CLCN3: variants seen among roughly 807,000 people sequenced by gnomAD.
CLCN3 encodes Cl-/H+ antiporter 3, also known as H(+)/Cl(-) exchange transporter 3.
In CLCN3, 16 loss-of-function variants were observed where a neutral mutation model predicts 83.4. That is an observed-to-expected ratio of 0.19 (90% confidence interval 0.13 to 0.29). CLCN3 has a LOEUF of 0.29. Ranked by LOEUF, CLCN3 falls within the 10% of genes least tolerant of loss-of-function variation. CLCN3 has a pLI of 1.00. For synonymous variants in CLCN3, 322 were observed against 346.2 expected (o/e 0.93, Z 0.78); for missense variants, 544 against 1,006.0 (o/e 0.54, Z 6.21).
chr4:169,664,780 AT>A (rs751906081), intron 2 of CLCN3, among the ~76,000 whole-genome samples: 1 of 152,216 alleles, frequency 6.6e-6, no homozygotes, highest in Non-Finnish European at 1.5e-5. Flanking sequence ...GGTTAATTTT[AT>A]GCCATCTCAT....
Position 169,650,498 on chromosome 4 carries a change from T to C in CLCN3, c.160+14410T>C, listed in dbSNP as rs151151648. ...ATGAGTAAGACATTTGACTCTAAAG[T>C]CAAATTTGACAACATATATTCTTAA... On this transcript the variant is annotated intron_variant, in intron 2 of 12. Coordinates refer to ENST00000513761, the MANE Select transcript of CLCN3 (RefSeq NM_001829.4). 5.0e-3 allele frequency among the ~76,000 whole-genome samples: 755 copies of C among 152,336 alleles called. 4 individuals are homozygous for C. Among genetic ancestry groups the C allele is most frequent in the Non-Finnish European group, 9.0e-3 (610 of 68,018 alleles).
intron 2 of CLCN3, among the ~76,000 whole-genome samples, chr4:169,652,080 G>A (rs745431990): frequency 7.9e-5 from 12 of 152,120 alleles, no homozygotes; most frequent in South Asian, 2.1e-4. Flanking sequence ...TGCATAAAAC[G>A]TAATTGTGTA....
At chr4:169,680,389 C>T in intron 3 of CLCN3, 182 bp downstream of exon 3, 1 of 487,296 alleles carries the variant, frequency 2.1e-6, no homozygotes, top group Non-Finnish European at 3.6e-6. Context: ...TTTACTTATA[C>T]CCTGTAACTT....
chr4:169,709,410 G>A (rs192571465), intron 11 of CLCN3, among the ~76,000 whole-genome samples: 13 of 151,940 alleles, frequency 8.6e-5, no homozygotes, highest in African/African-American at 2.9e-4. Context: ...GAGGCTGGGC[G>A]TGGTGGCTCA....
At chr4:169,623,221 C>T (rs1773150568) in intron 1 of CLCN3, among the ~76,000 whole-genome samples, 1 of 152,084 alleles carries the variant, frequency 6.6e-6, no homozygotes, top group African/African-American at 2.4e-5. Context: ...TTCTGTCTTC[C>T]ACAGCAACTT....
At chr4:169,645,175 G>T (rs1730538632) in intron 2 of CLCN3, among the ~76,000 whole-genome samples, 1 of 152,064 alleles carries the variant, frequency 6.6e-6, no homozygotes, top group Non-Finnish European at 1.5e-5. Flanking sequence ...AAGATTTTTG[G>T]GGTCTCTCGA....
intron 10 of CLCN3, among the ~76,000 whole-genome samples, chr4:169,705,108 T>A (rs1732940293): frequency 6.6e-6 from 1 of 152,102 alleles, no homozygotes; most frequent in Admixed American, 6.5e-5. Flanking sequence ...AGAGTCTAAG[T>A]ATGGTAGGAA....
intron 2 of CLCN3, among the ~76,000 whole-genome samples, chr4:169,638,490 T>G (rs1730305038): frequency 1.3e-5 from 2 of 151,678 alleles, no homozygotes; most frequent in African/African-American, 4.8e-5. Flanking sequence ...TATCACAGAT[T>G]TTTTTTCTAA....
rs1732397522 is a variant in CLCN3, at chr4:169,692,143, C to T, written c.759C>T (p.Ile253=). Reference sequence around the variant, plus strand: ...AAACTATTTTAAGTGGATTCATCATCAGAGGTTACTTGGGAAAATGGACTT... The same window carrying T: ...AAACTATTTTAAGTGGATTCATCATTAGAGGTTACTTGGGAAAATGGACTT... ...EIKTILSGFI[I]RGYLGKWTLM... The change falls in exon 7 of 13, where the codon ATC becomes ATT. Residue 253 remains isoleucine, a synonymous_variant. Transcript: ENST00000513761. 6.2e-7 allele frequency: 1 copy of T among 1,607,006 alleles called. No individual in the cohort carries two copies. Among genetic ancestry groups the T allele is most frequent in the Non-Finnish European group, 8.5e-7 (1 of 1,173,962 alleles).
intron 2 of CLCN3, among the ~76,000 whole-genome samples, chr4:169,646,262 C>T (rs1207477856): frequency 6.6e-6 from 1 of 151,946 alleles, no homozygotes; most frequent in East Asian, 1.9e-4. Flanking sequence ...TATTTTATAC[C>T]TTTTAGGAGT....
Position 169,704,074 on chromosome 4 carries a change from A to G in CLCN3, c.1640A>G (p.Gln547Arg). The change falls in exon 10 of 13, where the codon CAG (glutamine) becomes CGG (arginine). Residue 547 changes from glutamine to arginine, a missense_variant. Gln to Arg is a conservative substitution (Grantham distance 43). This residue lies in a region of CLCN3 where 194 missense variants were observed against 341.4 expected (regional missense o/e 0.57). Transcript: ENST00000513761. Reference sequence around the variant, plus strand: ...AGGATTGTGGGGATTGCGGTGGAGCAGCTTGCCTACTATCACCACGACTGG... The same window carrying G: ...AGGATTGTGGGGATTGCGGTGGAGCGGCTTGCCTACTATCACCACGACTGG... Reference protein sequence around the residue: ...AGRIVGIAVEQLAYYHHDWFI... With the variant: ...AGRIVGIAVERLAYYHHDWFI... 1 of 1,614,096 alleles carries G rather than the reference A, an allele frequency of 6.2e-7. No individual in the cohort carries two copies. The highest frequency in any genetic ancestry group is 8.5e-7 in the Non-Finnish European group (1 of 1,180,000).
chr4:169,687,440 A>G (rs529893907), intron 3 of CLCN3, among the ~76,000 whole-genome samples: 5 of 152,284 alleles, frequency 3.3e-5, no homozygotes, highest in Admixed American at 6.5e-5. Flanking sequence ...ATTTTTTAAT[A>G]AAAAATAAAA....
chr4:169,722,024 G>C lies in CLCN3; in HGVS notation c.*2027G>C, dbSNP rs1319808081. ...AGTAGAGATGGGGTTTTGCCATGCT[G>C]CCCAGGCTGGTCTCAACTCCTCAGC... On this transcript the variant is annotated 3_prime_UTR_variant, in exon 13 of 13. Coordinates refer to ENST00000513761, the MANE Select transcript of CLCN3 (RefSeq NM_001829.4). 6.6e-6 allele frequency: 1 copy of C among 152,120 alleles called. No individual in the cohort carries two copies. Among genetic ancestry groups the C allele is most frequent in the African/African-American group, 2.4e-5 (1 of 41,384 alleles). The allele number at this position is 152,120 out of a possible 1,614,324, so 9.4% of individuals were successfully genotyped here. A position where few individuals can be genotyped will look rare whatever the true frequency, so the allele number is the denominator to read the frequency against.
At chr4:169,697,773 C>G in intron 9 of CLCN3, 39 bp downstream of exon 9, 1 of 1,425,650 alleles carries the variant, frequency 7.0e-7, no homozygotes, top group Non-Finnish European at 9.6e-7. Flanking sequence ...GTAATTTTGG[C>G]ATGTTCAAAA....
At chr4:169,684,650 C>G (rs1187587344) in intron 3 of CLCN3, among the ~76,000 whole-genome samples, 1 of 152,154 alleles carries the variant, frequency 6.6e-6, no homozygotes, top group African/African-American at 2.4e-5. Flanking sequence ...AATATAGGTA[C>G]AATCTAGGCA....
chr4:169,691,286 G>A lies in CLCN3; in HGVS notation c.729+634G>A, dbSNP rs530230688. On this transcript the variant is annotated intron_variant, in intron 6 of 12. Transcript: ENST00000513761. ...CCCGCCTCAGCCTCCCAAAGTGCTG[G>A]GATTACAGGTGTGAGCCACCACACG... Among the ~76,000 whole-genome samples, 36 of 152,038 alleles carry A rather than the reference G, an allele frequency of 2.4e-4. No homozygotes were observed. In the South Asian group the frequency reaches 7.5e-3, roughly 32 times the overall value.
chr4:169,690,448 T>C, intron 5 of CLCN3, 82 bp from the exon 6 acceptor site: 4 of 1,432,640 alleles, frequency 2.8e-6, no homozygotes, highest in Admixed American at 2.0e-5. Flanking sequence ...CCTGGCCGTT[T>C]ACTGAAGTTT....
At chr4:169,704,503 T>C (rs1732915923) in intron 10 of CLCN3, among the ~76,000 whole-genome samples, 1 of 152,214 alleles carries the variant, frequency 6.6e-6, no homozygotes, top group Admixed American at 6.5e-5. Flanking sequence ...TTTGATTCTT[T>C]CATCGTTAAG....
intron 3 of CLCN3, among the ~76,000 whole-genome samples, chr4:169,683,290 A>C (rs1732018543): frequency 6.6e-6 from 1 of 152,126 alleles, no homozygotes; most frequent in African/African-American, 2.4e-5. Context: ...GGATCCCAGG[A>C]GTTTGAGACC....
Sources: allele counts gnomAD v4.1 joint callset (sites outside exome capture counted in the v4.1 genomes callset), GRCh38; gene constraint gnomAD v4.1.1; regional missense constraint gnomAD v4.1.1; transcripts MANE v1.5; gene names NCBI Gene and HGNC (gene_info 2026-07-23, HGNC 2026-07-21).